LSM10: variants seen among roughly 807,000 people sequenced by gnomAD.
LSM10 encodes the protein LSM10, U7 small nuclear RNA associated, also known as U7 snRNA-associated Sm-like protein LSm10.
LSM10 carries 4 observed loss-of-function variants against 5.2 expected under a neutral mutation model. The ratio of observed to expected loss-of-function variants is 0.77; its 90% CI spans 0.38 to 1.77. The LOEUF (loss-of-function observed/expected upper bound fraction) is 1.77. Among genes scored for constraint, LSM10 ranks in the 40% most tolerant of loss-of-function variants. The pLI, the probability that LSM10 is intolerant of heterozygous loss-of-function variation, is 0.04. For missense variants in LSM10, 150 were observed against 171.6 expected, an observed-to-expected ratio of 0.87 and a Z score of 0.70; for synonymous variants, 63 against 67.4, an observed-to-expected ratio of 0.94 and a Z score of 0.32.
At chr1:36,397,463 G>A (rs757608058) in intron 1 of LSM10, among the ~76,000 whole-genome samples, 3 of 152,154 alleles carry the variant, frequency 2.0e-5, no homozygotes, top group Non-Finnish European at 4.4e-5. Flanking sequence ...GTATGGGGCT[G>A]CTGCTGCGAC....
At chr1:36,395,775 CAAAA>C (rs57532655) in intron 1 of LSM10, among the ~76,000 whole-genome samples, 1 of 128,848 alleles carries the variant, frequency 7.8e-6, no homozygotes, top group Non-Finnish European at 1.6e-5. Context: ...GACTCTGTCT[CAAAA>C]AAAAAAAAAA....
chr1:36,393,985 A>G lies in LSM10; in HGVS notation c.145T>C (p.Phe49Leu), dbSNP rs764561651. Residue 49 changes from phenylalanine (F) to leucine (L), a missense_variant, in exon 2 of 2, where the codon TTC becomes CTC. Coordinates refer to ENST00000315732, the MANE Select transcript of LSM10 (RefSeq NM_032881.3). ...AHGRIDNVDA[F>L]MNIRLAKVTY... ...ACTTTGGCCAGGCGGATGTTCATGA[A>G]AGCATCGACATTGTCTATGCGTCCG... is the stretch of plus-strand genomic sequence containing the variant. 1 of 1,614,212 alleles carries G rather than the reference A, an allele frequency of 6.2e-7. No homozygotes were observed. Among genetic ancestry groups the G allele is most frequent in the Non-Finnish European group, 8.5e-7 (1 of 1,180,038 alleles).
chr1:36,397,393 G>T (rs1300799567), intron 1 of LSM10, among the ~76,000 whole-genome samples: 1 of 152,152 alleles, frequency 6.6e-6, no homozygotes, highest in Non-Finnish European at 1.5e-5. Context: ...CTAGGTCCCT[G>T]GGCATGGCCT....
At chr1:36,394,680 G>A (rs943535230) in intron 1 of LSM10, among the ~76,000 whole-genome samples, 5 of 151,868 alleles carry the variant, frequency 3.3e-5, no homozygotes, top group Admixed American at 6.6e-5. Flanking sequence ...TGGTGACAGC[G>A]GGCGCCTGTA....
chr1:36,394,746 G>A (rs895430503), intron 1 of LSM10, among the ~76,000 whole-genome samples: 1 of 151,476 alleles, frequency 6.6e-6, no homozygotes, highest in Non-Finnish European at 1.5e-5. Context: ...AAGAGGCGGA[G>A]CTTGCAGTAA....
At chr1:36,396,053 T>A (rs1210225422) in intron 1 of LSM10, among the ~76,000 whole-genome samples, 1 of 151,514 alleles carries the variant, frequency 6.6e-6, no homozygotes, top group Non-Finnish European at 1.5e-5. Context: ...AACCCCCATC[T>A]CTACTAAAAA....
chr1:36,396,336 T>G (rs1647158409), intron 1 of LSM10, among the ~76,000 whole-genome samples: 1 of 151,384 alleles, frequency 6.6e-6, no homozygotes, highest in African/African-American at 2.4e-5. Flanking sequence ...TGTTCTGAGA[T>G]AAAATCCACT....
rs761560396 is a variant in LSM10, at chr1:36,393,941, C to A, written c.189G>T (p.Trp63Cys). ...GGTCATCCAGCTTGACCTGATGCCC[C>A]CAACGGTCCGTGTAGGTGACTTTGG... ...RLAKVTYTDR[W>C]GHQVKLDDLF... Residue 63 changes from tryptophan to cysteine, a missense_variant, in exon 2 of 2, where the codon TGG becomes TGT. By Grantham distance (215) the Trp-to-Cys change is radical. Transcript: ENST00000315732. 7 of 1,614,122 alleles carry A rather than the reference C, an allele frequency of 4.3e-6. No individual in the cohort carries two copies. The African/African-American group carries it at 5.3e-5, about 12-fold the overall frequency.
In LSM10 at chr1:36,393,822, C is replaced by T. The variant is rs748428371; in HGVS notation, c.308G>A (p.Arg103Gln). Residue 103 changes from arginine (R) to glutamine (Q), a missense_variant, in exon 2 of 2, where the codon CGG (arginine) becomes CAG (glutamine). By Grantham distance (43) the Arg-to-Gln change is conservative. Transcript: ENST00000315732. ...GCCCTTGCCACCAAAGTTTCGCACC[C>T]GATGGATAATCTGCAGCTGCTGCTC... ...TIEQQLQIIH[R>Q]VRNFGGKGQG... The T allele has an allele frequency of 1.7e-5, 28 of 1,614,212 alleles. No individual in the cohort carries two copies. Among genetic ancestry groups the T allele is most frequent in the Non-Finnish European group, 2.3e-5 (27 of 1,180,044 alleles).
Position 36,397,811 on chromosome 1 carries a change from G to C in LSM10, c.-69C>G, listed in dbSNP as rs1164610679. On this transcript the variant is annotated 5_prime_UTR_variant, in exon 1 of 2. Transcript: ENST00000315732. ...TTTCCCCGTCTGGGTCGCCGCCGAA[G>C]CTAGCGGGCGCCTGGACTGGCTGCC... The C allele has an allele frequency of 6.6e-6, 1 of 152,232 alleles. No homozygotes were observed. The highest frequency in any genetic ancestry group is 1.9e-4 in the East Asian group (1 of 5,190). The allele number at this position is 152,232 out of a possible 1,614,324, so 9.4% of individuals were successfully genotyped here.
At chr1:36,394,904 G>A (rs1029551729) in intron 1 of LSM10, among the ~76,000 whole-genome samples, 19 of 151,978 alleles carry the variant, frequency 1.3e-4, no homozygotes, top group Admixed American at 1.0e-3. Flanking sequence ...TCAGGAGTTC[G>A]AGACCAGCCT....
At position 36,393,703 on chromosome 1, in the gene LSM10, T is replaced by C; in HGVS notation, c.*55A>G. ...CAGACAGGGTGTGAGGGCAGGGAAC[T>C]AGCTCCGGAGATCACTGGAGGACTC... is the stretch of plus-strand genomic sequence containing the variant. On this transcript the variant is annotated 3_prime_UTR_variant, in exon 2 of 2. Coordinates refer to ENST00000315732, the MANE Select transcript of LSM10 (RefSeq NM_032881.3). The C allele has an allele frequency of 1.9e-6, 3 of 1,592,014 alleles. No homozygotes were observed. The highest frequency in any genetic ancestry group is 1.7e-6 in the Non-Finnish European group (2 of 1,167,578).
chr1:36,394,042 T>A lies in LSM10; in HGVS notation c.88A>T (p.Thr30Ser). The change falls in exon 2 of 2, where the codon ACT becomes TCT. Residue 30 changes from threonine to serine, a missense_variant. Physicochemically the swap from Thr to Ser is moderately conservative, Grantham distance 58 (BLOSUM62 1). Coordinates refer to ENST00000315732, the MANE Select transcript of LSM10 (RefSeq NM_032881.3). Reference sequence around the variant, plus strand: ...ACGCTCTCATCCCGCAGGTCCACAGTGGTTACCCGGCCCTGGAGGCCCTGC... The same window carrying A: ...ACGCTCTCATCCCGCAGGTCCACAGAGGTTACCCGGCCCTGGAGGCCCTGC... ...LLQGLQGRVT[T>S]VDLRDESVAH... 1.2e-6 allele frequency: 2 copies of A among 1,614,208 alleles called. No homozygotes were observed. Among genetic ancestry groups the A allele is most frequent in the Non-Finnish European group, 1.7e-6 (2 of 1,180,046 alleles).
At chr1:36,396,989 G>A (rs1647161672) in intron 1 of LSM10, among the ~76,000 whole-genome samples, 1 of 151,618 alleles carries the variant, frequency 6.6e-6, no homozygotes, top group Non-Finnish European at 1.5e-5. Context: ...AAATAAATCT[G>A]GATAATGAAT....
In LSM10 at chr1:36,393,929, G is replaced by A. The variant is rs1242366871; in HGVS notation, c.201C>T (p.Val67=). 3.1e-6 allele frequency: 5 copies of A among 1,614,136 alleles called. No homozygotes were observed. Among genetic ancestry groups the A allele is most frequent in the Non-Finnish European group, 3.4e-6 (4 of 1,180,054 alleles). ...CTGTCACAAAGAGGTCATCCAGCTT[G>A]ACCTGATGCCCCCAACGGTCCGTGT... ...VTYTDRWGHQ[V]KLDDLFVTGR... The change falls in exon 2 of 2, where the codon GTC becomes GTT. Residue 67 remains valine, a synonymous_variant. Coordinates refer to ENST00000315732, the MANE Select transcript of LSM10 (RefSeq NM_032881.3).
rs747064209 is a variant in LSM10, at chr1:36,393,763, TAC to T, written c.365_366del (p.Cys122Ter). 3 of 1,613,882 alleles carry T rather than the reference TAC, an allele frequency of 1.9e-6. No individual in the cohort carries two copies. The highest frequency in any genetic ancestry group is 3.3e-5 in the Admixed American group (2 of 60,026). ...GCCAGGGCTTGCTGAGGGCCTCACTTACAGTTTTTTGGGGGAAATTCCCACCG... is the reference window on the plus strand; with the variant it reads ...GCCAGGGCTTGCTGAGGGCCTCACTTAGTTTTTTGGGGGAAATTCCCACCG... ...QGRWEFPPKN[C>X]K On this transcript the variant is annotated frameshift_variant, in exon 2 of 2. Coordinates refer to ENST00000315732, the MANE Select transcript of LSM10 (RefSeq NM_032881.3). LOFTEE classifies it high-confidence loss of function.
intron 1 of LSM10, 184 bp downstream of exon 1, chr1:36,397,583 T>C (rs188921428): frequency 8.7e-4 from 132 of 152,350 alleles, no homozygotes; most frequent in African/African-American, 3.1e-3. Context: ...CCAAGCTAGC[T>C]AAGCTACCGG....
chr1:36,397,328 T>G (rs4653186), intron 1 of LSM10, among the ~76,000 whole-genome samples: 90,458 of 152,048 alleles, frequency 0.59, 27,622 homozygotes, highest in South Asian at 0.7. Context: ...GGGCTGTGCA[T>G]TGTGGCACTG....
Position 36,393,624 on chromosome 1 carries a change from G to T in LSM10, c.*134C>A. Reference sequence around the variant, plus strand: ...ACCCTGTGAAAGGCAGCTTTGACAGGTGGTGTCTGTTGGACACCAGCTTCT... The same window carrying T: ...ACCCTGTGAAAGGCAGCTTTGACAGTTGGTGTCTGTTGGACACCAGCTTCT... On this transcript the variant is annotated 3_prime_UTR_variant, in exon 2 of 2. Coordinates refer to ENST00000315732, the MANE Select transcript of LSM10 (RefSeq NM_032881.3). 1 of 1,209,492 alleles carries T rather than the reference G, an allele frequency of 8.3e-7. No homozygotes were observed. The highest frequency in any genetic ancestry group is 1.2e-6 in the Non-Finnish European group (1 of 856,024). 74.9% of individuals were successfully genotyped at this position (1,209,492 alleles called of 1,614,324 possible).
Sources: allele counts gnomAD v4.1 joint callset (sites outside exome capture counted in the v4.1 genomes callset), GRCh38; gene constraint gnomAD v4.1.1; transcripts MANE v1.5; gene names NCBI Gene and HGNC (gene_info 2026-07-23, HGNC 2026-07-21).